Variants in PMEPA1 observed in about 807,000 individuals in gnomAD.
The protein encoded by PMEPA1 is prostate transmembrane protein, androgen induced 1.
In PMEPA1, 11 loss-of-function variants were observed where a neutral mutation model predicts 23.0. The observed-to-expected ratio is 0.48, with a 90% CI of 0.30 to 0.79. The LOEUF is 0.79. PMEPA1 is among the 30% of genes least tolerant of loss of function. PMEPA1 has a pLI of 0.06. For synonymous variants in PMEPA1, 204 were observed against 166.4 expected, an observed-to-expected ratio of 1.23 and a Z score of -1.74; for missense variants, 377 against 390.9, an observed-to-expected ratio of 0.96 and a Z score of 0.30.
intron 1 of PMEPA1, among the ~76,000 whole-genome samples, chr20:57,685,589 T>C (rs1268831674): frequency 6.6e-6 from 1 of 152,196 alleles, no homozygotes; most frequent in Non-Finnish European, 1.5e-5. Context: ...TGGGGTCTGC[T>C]GGTGGACTGG....
rs141728728 is a variant in PMEPA1, at chr20:57,680,467, C to T, written c.110-20770G>A. 4.2e-3 allele frequency among the ~76,000 whole-genome samples: 645 copies of T among 152,332 alleles called. 4 individuals are homozygous for T. Among genetic ancestry groups the T allele is most frequent in the Middle Eastern group, 0.017 (5 of 294 alleles). ...AAGTAGCTAAACATCCACCCTGCCA[C>T]GCACAGGGAAGTCCCCCACAGAAAA... On this transcript the variant is annotated intron_variant, in intron 1 of 3. Transcript: ENST00000341744.
chr20:57,695,829 A>C (rs1299289081), intron 1 of PMEPA1, among the ~76,000 whole-genome samples: 1 of 152,030 alleles, frequency 6.6e-6, no homozygotes, highest in Admixed American at 6.6e-5. Context: ...TTACCTGGGG[A>C]GCTTTAGGAA....
At chr20:57,709,400 CG>C (rs1299977829) in intron 1 of PMEPA1, 73 bp downstream of exon 1, 1 of 999,066 alleles carries the variant, frequency 1.0e-6, no homozygotes, top group African/African-American at 1.8e-5. Context: ...CCCGGACCCC[CG>C]CTCGCAGCTG....
chr20:57,699,491 G>A (rs2146708729), intron 1 of PMEPA1, among the ~76,000 whole-genome samples: 1 of 152,182 alleles, frequency 6.6e-6, no homozygotes, highest in East Asian at 1.9e-4. Flanking sequence ...AAGCGGCTGA[G>A]CTATGTTAAA....
At chr20:57,696,441 C>A (rs980076007) in intron 1 of PMEPA1, among the ~76,000 whole-genome samples, 3 of 152,202 alleles carry the variant, frequency 2.0e-5, no homozygotes, top group African/African-American at 7.2e-5. Context: ...AGCCCAAGTT[C>A]AAATCCTGCT....
chr20:57,701,502 G>A (rs971347520), intron 1 of PMEPA1, among the ~76,000 whole-genome samples: 3 of 152,186 alleles, frequency 2.0e-5, no homozygotes, highest in African/African-American at 7.2e-5. Flanking sequence ...AGGGCAACTG[G>A]AGCGGGTGCA....
Position 57,650,194 on chromosome 20 carries a change from A to G in PMEPA1, c.*1859T>C, listed in dbSNP as rs896399832. 3.3e-5 allele frequency: 5 copies of G among 152,246 alleles called. No homozygotes were observed. Among genetic ancestry groups the G allele is most frequent in the Admixed American group, 6.5e-5 (1 of 15,288 alleles). 9.4% of individuals were successfully genotyped at this position (152,246 alleles called of 1,614,324 possible). On this transcript the variant is annotated 3_prime_UTR_variant, in exon 4 of 4. Transcript: ENST00000341744. ...TGGCTAGAACTTCAAAACTGTGCTCAGGTTTTTGTTTTGGAAGTTATAAAA... is the reference window on the plus strand; with the variant it reads ...TGGCTAGAACTTCAAAACTGTGCTCGGGTTTTTGTTTTGGAAGTTATAAAA...
chr20:57,655,531 T>A lies in PMEPA1; in HGVS notation c.265-2445A>T, dbSNP rs2071314834. 6.6e-6 allele frequency among the ~76,000 whole-genome samples: 1 copy of A among 152,218 alleles called. No homozygotes were observed. Among genetic ancestry groups the A allele is most frequent in the Non-Finnish European group, 1.5e-5 (1 of 68,034 alleles). On this transcript the variant is annotated intron_variant, in intron 2 of 3. Coordinates refer to ENST00000341744, the MANE Select transcript of PMEPA1 (RefSeq NM_020182.5). This position sits in a 1 kb window ranked among gnomAD's most constrained non-coding sequence, Gnocchi z 4.2. Reference sequence around the variant, plus strand: ...CCCGTGCAAGTCATCTTTGTGGAATTAGGTTCCAAAGTGGCTTGAGAAGTC... The same window carrying A: ...CCCGTGCAAGTCATCTTTGTGGAATAAGGTTCCAAAGTGGCTTGAGAAGTC...
upstream of PMEPA1, chr20:57,710,413 G>A: frequency 6.3e-7 from 1 of 1,592,522 alleles, no homozygotes. Context: ...GGGGGCTCAG[G>A]GAAGAGAAAT....
rs531021898 is a variant in PMEPA1, at chr20:57,652,218, G to A, written c.699C>T (p.Ser233=). The A allele has an allele frequency of 1.7e-5, 28 of 1,608,788 alleles. No individual in the cohort carries two copies. The highest frequency in any genetic ancestry group is 2.3e-5 in the Non-Finnish European group (27 of 1,179,350). ...ACCCCGGGTAGTGGCCGATGACCTC[G>A]CTGTAGGTGGGCGGCGGCCCCTCCA... ...GRMEGPPPTY[S]EVIGHYPGSS... The change falls in exon 4 of 4, where the codon AGC becomes AGT. Residue 233 remains serine, a synonymous_variant. Transcript: ENST00000341744. The surrounding 1 kb of genome is among the most constrained non-coding windows in gnomAD (Gnocchi z 6.1).
At chr20:57,672,883 G>A (rs552064590) in intron 1 of PMEPA1, among the ~76,000 whole-genome samples, 98 of 152,310 alleles carry the variant, frequency 6.4e-4, no homozygotes, top group African/African-American at 1.9e-3. Context: ...GAAGTGATTC[G>A]TTCACTCTCT....
intron 1 of PMEPA1, among the ~76,000 whole-genome samples, chr20:57,698,166 C>T (rs542344688): frequency 6.6e-6 from 1 of 152,110 alleles, no homozygotes; most frequent in East Asian, 1.9e-4. Flanking sequence ...AGAGATACAC[C>T]CGAGATAGGA....
intron 1 of PMEPA1, among the ~76,000 whole-genome samples, chr20:57,661,292 C>T (rs1037789163): frequency 3.9e-5 from 6 of 152,208 alleles, no homozygotes; most frequent in Admixed American, 3.3e-4. Context: ...GGCAGCTGGC[C>T]GAGCACGGTG....
At position 57,683,554 on chromosome 20, in the gene PMEPA1, C is replaced by CGCGTGTGTGT. The variant is rs2071752455; in HGVS notation, c.110-23858_110-23857insACACACACGC. On this transcript the variant is annotated intron_variant, in intron 1 of 3. Coordinates refer to ENST00000341744, the MANE Select transcript of PMEPA1 (RefSeq NM_020182.5). This position sits in a 1 kb window ranked among gnomAD's most constrained non-coding sequence, Gnocchi z 4.3. ...CGGTGGTGGTGTTCTGGCCTGTGTG[C>CGCGTGTGTGT]GTGTGTGTGTGTGTGTGTGTGTGTG... is the stretch of plus-strand genomic sequence containing the variant. Among the ~76,000 whole-genome samples, 58 of 106,426 alleles carry CGCGTGTGTGT rather than the reference C, an allele frequency of 5.4e-4. No homozygotes were observed. Among genetic ancestry groups the CGCGTGTGTGT allele is most frequent in the Non-Finnish European group, 1.4e-3 (52 of 38,352 alleles). 69.8% of individuals were successfully genotyped at this position (106,426 alleles called of 152,430 possible). A position where few individuals can be genotyped will look rare whatever the true frequency, so the allele number is the denominator to read the frequency against.
At chr20:57,661,717 C>T (rs2146650166) in intron 1 of PMEPA1, among the ~76,000 whole-genome samples, 1 of 152,316 alleles carries the variant, frequency 6.6e-6, no homozygotes, top group African/African-American at 2.4e-5. Context: ...ACACTCCAAA[C>T]CCGGGGGGCC....
At chr20:57,665,452 T>C (rs1191298180) in intron 1 of PMEPA1, among the ~76,000 whole-genome samples, 1 of 151,180 alleles carries the variant, frequency 6.6e-6, no homozygotes, top group Non-Finnish European at 1.5e-5. Flanking sequence ...GTGCATCCAT[T>C]GTCTGTGTGA....
chr20:57,709,470 T>C lies in PMEPA1; in HGVS notation c.109+4A>G. ...TCCGGGGAGGGGGGCGTGGGGTCAC[T>C]CACTGATCTCCATGCTCTGGAACAA... On this transcript the variant is annotated splice_donor_region_variant and intron_variant, in intron 1 of 3. Coordinates refer to ENST00000341744, the MANE Select transcript of PMEPA1 (RefSeq NM_020182.5). The C allele has an allele frequency of 1.8e-6, 2 of 1,119,846 alleles. No individual in the cohort carries two copies. Among genetic ancestry groups the C allele is most frequent in the Non-Finnish European group, 2.2e-6 (2 of 898,086 alleles). The allele number at this position is 1,119,846 out of a possible 1,614,324, so 69.4% of individuals were successfully genotyped here. A position where few individuals can be genotyped will look rare whatever the true frequency, so the allele number is the denominator to read the frequency against.
At chr20:57,686,662 C>T (rs957611868) in intron 1 of PMEPA1, among the ~76,000 whole-genome samples, 1 of 152,258 alleles carries the variant, frequency 6.6e-6, no homozygotes, top group Non-Finnish European at 1.5e-5. Flanking sequence ...CTTTCAACAG[C>T]GAGGCCCTGG....
chr20:57,679,370 G>A (rs902738653), intron 1 of PMEPA1, among the ~76,000 whole-genome samples: 3 of 152,226 alleles, frequency 2.0e-5, no homozygotes, highest in African/African-American at 4.8e-5. Context: ...GAGACTTCCT[G>A]CAGGTGGCCA....
Sources: allele counts gnomAD v4.1 joint callset (sites outside exome capture counted in the v4.1 genomes callset), GRCh38; gene constraint gnomAD v4.1.1; non-coding constraint Gnocchi (gnomAD v3.1); transcripts MANE v1.5; gene names NCBI Gene and HGNC (gene_info 2026-07-23, HGNC 2026-07-21).